Variants in CACNA1D observed in about 807,000 individuals in gnomAD.
CACNA1D encodes voltage-dependent L-type calcium channel subunit alpha-1D.
CACNA1D carries 55 observed loss-of-function variants against 257.1 expected under a neutral mutation model. The observed-to-expected ratio is 0.21, with a 90% CI of 0.17 to 0.27. The LOEUF (loss-of-function observed/expected upper bound fraction) is 0.27, where lower values mean the gene tolerates loss of function less well. CACNA1D is among the 10% of genes least tolerant of loss of function. The pLI is 1.00. For synonymous variants in CACNA1D, 980 were observed against 1,014.9 expected (o/e 0.97, Z 0.65); for missense variants, 1,876 against 2,784.0 (o/e 0.67, Z 7.34).
In CACNA1D at chr3:53,604,545, A is replaced by G. The variant is rs147908637; in HGVS notation, c.484-46234A>G. Reference sequence around the variant, plus strand: ...TGCCCTGCACTTCTCCCTGTAGCTCAGAAACCTTTTAATAGCCATGGGACC... The same window carrying G: ...TGCCCTGCACTTCTCCCTGTAGCTCGGAAACCTTTTAATAGCCATGGGACC... On this transcript the variant is annotated intron_variant, in intron 3 of 47. Transcript: ENST00000350061. 4.6e-5 allele frequency among the ~76,000 whole-genome samples: 7 copies of G among 151,950 alleles called. No individual in the cohort carries two copies. In the East Asian group the frequency reaches 1.4e-3, roughly 29 times the overall value.
chr3:53,638,083 A>G (rs550099754), intron 3 of CACNA1D, among the ~76,000 whole-genome samples: 1 of 152,336 alleles, frequency 6.6e-6, no homozygotes, highest in Non-Finnish European at 1.5e-5. Flanking sequence ...AGACGTTCGT[A>G]TGAAAGAGTA....
intron 8 of CACNA1D, among the ~76,000 whole-genome samples, chr3:53,685,864 C>T (rs2094469674): frequency 6.6e-6 from 1 of 151,794 alleles, no homozygotes; most frequent in Admixed American, 6.6e-5. Context: ...TTTCCATCTA[C>T]TAATCTAGAA....
At chr3:53,655,259 A>G (rs1418789680) in intron 4 of CACNA1D, among the ~76,000 whole-genome samples, 2 of 152,182 alleles carry the variant, frequency 1.3e-5, no homozygotes, top group Non-Finnish European at 2.9e-5. Context: ...GCTATTGTGA[A>G]TAGTGCCACA....
chr3:53,655,082 T>G (rs1233738674), intron 4 of CACNA1D, among the ~76,000 whole-genome samples: 6 of 152,184 alleles, frequency 3.9e-5, no homozygotes, highest in Non-Finnish European at 8.8e-5. Flanking sequence ...GGTTTTTTGT[T>G]CCTGCGTTAG....
At chr3:53,548,368 TTTTAA>T (rs964053265) in intron 3 of CACNA1D, among the ~76,000 whole-genome samples, 1 of 137,724 alleles carries the variant, frequency 7.3e-6, no homozygotes, top group African/African-American at 3.2e-5. Context: ...TTTTTTTTTT[TTTTAA>T]AAATTATCTT....
chr3:53,495,239 C>G lies in CACNA1D; in HGVS notation c.67+6C>G. 1 of 1,613,608 alleles carries G rather than the reference C, an allele frequency of 6.2e-7. No homozygotes were observed. On this transcript the variant is annotated splice_donor_region_variant and intron_variant, in intron 1 of 47. Coordinates refer to ENST00000350061, the MANE Select transcript of CACNA1D (RefSeq NM_001128840.3). The surrounding 1 kb of genome is among the most constrained non-coding windows in gnomAD (Gnocchi z 5.1). Reference sequence around the variant, plus strand: ...GCAAGCGGACCACGCGAACGGTGAGCAGCCAGAGCCCGGGCACCCGCTGCC... The same window carrying G: ...GCAAGCGGACCACGCGAACGGTGAGGAGCCAGAGCCCGGGCACCCGCTGCC...
intron 3 of CACNA1D, among the ~76,000 whole-genome samples, chr3:53,618,265 G>A (rs1462741392): frequency 6.6e-6 from 1 of 152,214 alleles, no homozygotes. Context: ...GGGCACCAAG[G>A]TCGCCCAGGT....
intron 8 of CACNA1D, among the ~76,000 whole-genome samples, chr3:53,683,709 TCAG>T (rs2094451622): frequency 6.9e-6 from 1 of 144,436 alleles, no homozygotes; most frequent in Non-Finnish European, 1.5e-5. Flanking sequence ...TAGGTAAATC[TCAG>T]TAGGTAAATA....
intron 29 of CACNA1D, among the ~76,000 whole-genome samples, chr3:53,755,714 CA>C (rs1347660853): frequency 2.0e-5 from 3 of 152,074 alleles, no homozygotes; most frequent in African/African-American, 7.2e-5. Flanking sequence ...TCCCCCCGGC[CA>C]GGGGAGGTTG....
intron 15 of CACNA1D, among the ~76,000 whole-genome samples, chr3:53,728,405 C>T (rs2108749638): frequency 6.6e-6 from 1 of 152,252 alleles, no homozygotes; most frequent in South Asian, 2.1e-4. Flanking sequence ...TCCCAAAGTG[C>T]TGGGATTACA....
intron 37 of CACNA1D, among the ~76,000 whole-genome samples, chr3:53,777,831 G>A (rs1345907617): frequency 3.3e-5 from 5 of 152,192 alleles, no homozygotes; most frequent in Non-Finnish European, 7.3e-5. Flanking sequence ...CAGAACTCAC[G>A]GTGTAGCACC....
chr3:53,802,598 C>T (rs140030795), intron 43 of CACNA1D, among the ~76,000 whole-genome samples: 1 of 152,350 alleles, frequency 6.6e-6, no homozygotes, highest in African/African-American at 2.4e-5. Flanking sequence ...TTCCCTGTAG[C>T]CCTCAAGATA....
chr3:53,624,384 G>A (rs2108063154), intron 3 of CACNA1D, among the ~76,000 whole-genome samples: 1 of 152,360 alleles, frequency 6.6e-6, no homozygotes, highest in South Asian at 2.1e-4. Context: ...ATTAGCTAGT[G>A]AGGTCTTGCG....
intron 38 of CACNA1D, among the ~76,000 whole-genome samples, chr3:53,781,161 A>G (rs953606772): frequency 1.3e-5 from 2 of 152,352 alleles, no homozygotes; most frequent in Middle Eastern, 3.4e-3. Context: ...TGAGAGTCTT[A>G]TTTGGGTGAA....
chr3:53,639,157 T>C (rs1403263410), intron 3 of CACNA1D, among the ~76,000 whole-genome samples: 1 of 152,200 alleles, frequency 6.6e-6, no homozygotes, highest in African/African-American at 2.4e-5. Context: ...GCCTATTTGT[T>C]TTTTGAGACG....
intron 3 of CACNA1D, among the ~76,000 whole-genome samples, chr3:53,609,780 C>G (rs990864564): frequency 1.3e-5 from 2 of 152,024 alleles, no homozygotes; most frequent in African/African-American, 2.4e-5. Flanking sequence ...TTGCGCTTGC[C>G]GTTGTTTTTT....
chr3:53,578,304 G>A (rs1352176359), intron 3 of CACNA1D, among the ~76,000 whole-genome samples: 1 of 152,102 alleles, frequency 6.6e-6, no homozygotes, highest in Admixed American at 6.6e-5. Flanking sequence ...GGAGGGGTGT[G>A]GTTTTATAGG....
At chr3:53,681,233 A>G (rs2094426800) in intron 8 of CACNA1D, among the ~76,000 whole-genome samples, 1 of 152,226 alleles carries the variant, frequency 6.6e-6, no homozygotes, top group African/African-American at 2.4e-5. Context: ...AAATGAACAT[A>G]AAGATCCACG....
At chr3:53,593,235 C>T (rs1276247862) in intron 3 of CACNA1D, among the ~76,000 whole-genome samples, 1 of 152,174 alleles carries the variant, frequency 6.6e-6, no homozygotes, top group Non-Finnish European at 1.5e-5. Context: ...ATTATAAAAT[C>T]TGATGGCCAC....
Sources: allele counts gnomAD v4.1 joint callset (sites outside exome capture counted in the v4.1 genomes callset), GRCh38; gene constraint gnomAD v4.1.1; non-coding constraint Gnocchi (gnomAD v3.1); transcripts MANE v1.5; gene names NCBI Gene and HGNC (gene_info 2026-07-23, HGNC 2026-07-21).